PRDM5: variants seen among roughly 807,000 people sequenced by gnomAD.
PRDM5 encodes PR domain zinc finger protein 5.
Under a neutral mutation model 81.2 loss-of-function variants are expected in PRDM5, and 56 were observed. The ratio of observed to expected loss-of-function variants is 0.69; its 90% CI spans 0.56 to 0.86. The LOEUF is 0.86. Ranked by LOEUF, PRDM5 falls within the 40% of genes least tolerant of loss-of-function variation. The probability of loss-of-function intolerance (pLI) is 0.00; values close to 1 mark genes in which losing one functional copy is unlikely to be tolerated. For missense variants in PRDM5, 697 were observed against 770.1 expected, an observed-to-expected ratio of 0.91 and a Z score of 1.12; for synonymous variants, 267 against 256.4, an observed-to-expected ratio of 1.04 and a Z score of -0.39.
chr4:120,790,012 G>A (rs1750339606), intron 10 of PRDM5, among the ~76,000 whole-genome samples: 2 of 152,124 alleles, frequency 1.3e-5, no homozygotes, highest in South Asian at 4.1e-4. Context: ...AAGTTGCTAA[G>A]AGAAGAAATA....
intron 2 of PRDM5, among the ~76,000 whole-genome samples, chr4:120,861,725 GA>G (rs1363655376): frequency 6.6e-6 from 1 of 151,832 alleles, no homozygotes. Flanking sequence ...TTGAACCAGG[GA>G]GGTGAAAGCT....
chr4:120,826,341 ATCC>A (rs1755976323), intron 3 of PRDM5, among the ~76,000 whole-genome samples: 2 of 152,236 alleles, frequency 1.3e-5, no homozygotes, highest in African/African-American at 4.8e-5. Context: ...GCTCACTTTC[ATCC>A]TCCTTCAAGA....
intron 13 of PRDM5, among the ~76,000 whole-genome samples, chr4:120,774,197 G>C (rs1467724119): frequency 2.0e-5 from 3 of 152,190 alleles, no homozygotes; most frequent in East Asian, 1.9e-4. Context: ...CCACAGAGGA[G>C]CTGTCCTCTT....
intron 2 of PRDM5, among the ~76,000 whole-genome samples, chr4:120,903,968 T>C (rs896778009): frequency 2.0e-5 from 3 of 151,748 alleles, no homozygotes; most frequent in Non-Finnish European, 4.4e-5. Context: ...GGCCAGCAGA[T>C]CACTTCAGGT....
intron 15 of PRDM5, among the ~76,000 whole-genome samples, chr4:120,696,424 T>C (rs1466114131): frequency 6.6e-6 from 1 of 152,160 alleles, no homozygotes; most frequent in Non-Finnish European, 1.5e-5. Flanking sequence ...CTCAGCTCCA[T>C]GAGAGCAGGG....
chr4:120,918,761 T>G (rs1056866898), intron 1 of PRDM5, among the ~76,000 whole-genome samples: 2 of 151,278 alleles, frequency 1.3e-5, no homozygotes, highest in African/African-American at 4.9e-5. Context: ...GTGGAAGGCA[T>G]AGGAATCTGA....
intron 14 of PRDM5, among the ~76,000 whole-genome samples, chr4:120,714,670 C>T (rs952849894): frequency 2.0e-5 from 3 of 152,058 alleles, no homozygotes; most frequent in Admixed American, 6.6e-5. Context: ...GTCTCCTGCT[C>T]GTGGCTTTTG....
intron 3 of PRDM5, among the ~76,000 whole-genome samples, chr4:120,847,616 T>C (rs769090332): frequency 3.3e-5 from 5 of 152,188 alleles, no homozygotes; most frequent in Non-Finnish European, 5.9e-5. Context: ...CCCTTACAAA[T>C]TGTATAAAAT....
intron 2 of PRDM5, among the ~76,000 whole-genome samples, chr4:120,875,557 G>A (rs1040897637): frequency 1.3e-5 from 2 of 152,248 alleles, no homozygotes; most frequent in Non-Finnish European, 2.9e-5. Flanking sequence ...GGTCAAGTCA[G>A]AATGGGAATC....
chr4:120,796,622 C>T (rs1033167769), intron 10 of PRDM5, among the ~76,000 whole-genome samples: 1 of 152,108 alleles, frequency 6.6e-6, no homozygotes, highest in Non-Finnish European at 1.5e-5. Context: ...CGCAGTCCTG[C>T]CCCGAATGTA....
intron 3 of PRDM5, among the ~76,000 whole-genome samples, chr4:120,827,509 A>G (rs543898538): frequency 6.6e-6 from 1 of 152,144 alleles, no homozygotes; most frequent in South Asian, 2.1e-4. Context: ...AAAGTTTAGA[A>G]GAGTAGTCAT....
At chr4:120,867,443 T>C (rs1009142926) in intron 2 of PRDM5, among the ~76,000 whole-genome samples, 15 of 152,210 alleles carry the variant, frequency 9.9e-5, no homozygotes. Flanking sequence ...AATTATATAT[T>C]TTTTTCATTT....
At chr4:120,867,311 A>G (rs992064375) in intron 2 of PRDM5, among the ~76,000 whole-genome samples, 5 of 152,242 alleles carry the variant, frequency 3.3e-5, no homozygotes, top group Admixed American at 3.3e-4. Flanking sequence ...CATAAATTTT[A>G]ATACTAACTC....
chr4:120,716,447 T>C (rs1437875688), intron 14 of PRDM5, among the ~76,000 whole-genome samples: 1 of 152,188 alleles, frequency 6.6e-6, no homozygotes, highest in African/African-American at 2.4e-5. Flanking sequence ...AGGGAGTCTT[T>C]GGGGTTTTGC....
At chr4:120,902,940 C>A (rs1043040180) in intron 2 of PRDM5, among the ~76,000 whole-genome samples, 2 of 152,174 alleles carry the variant, frequency 1.3e-5, no homozygotes, top group Non-Finnish European at 2.9e-5. Flanking sequence ...CTCACACCTA[C>A]CAGGAGGCTC....
At chr4:120,816,427 G>A (rs1051492849) in intron 7 of PRDM5, 26 bp downstream of exon 7, 3 of 1,614,146 alleles carry the variant, frequency 1.9e-6, no homozygotes, top group Non-Finnish European at 2.5e-6. Context: ...AGCCCCTTCG[G>A]AAACGACCCT....
intron 2 of PRDM5, among the ~76,000 whole-genome samples, chr4:120,883,077 T>C (rs1018842897): frequency 2.6e-5 from 4 of 152,250 alleles, no homozygotes; most frequent in African/African-American, 4.8e-5. Flanking sequence ...AGTGGCCATT[T>C]GTATGCTTAA....
intron 2 of PRDM5, among the ~76,000 whole-genome samples, chr4:120,868,744 T>C (rs909236724): frequency 1.3e-5 from 2 of 152,144 alleles, no homozygotes; most frequent in East Asian, 3.9e-4. Context: ...TATTAGATGA[T>C]TAAATGTCCT....
intron 2 of PRDM5, among the ~76,000 whole-genome samples, chr4:120,874,689 T>C (rs561110514): frequency 6.6e-6 from 1 of 152,352 alleles, no homozygotes; most frequent in East Asian, 1.9e-4. Context: ...ATTAGCTTTA[T>C]TATTTAACAC....
Sources: allele counts gnomAD v4.1 joint callset (sites outside exome capture counted in the v4.1 genomes callset), GRCh38; gene constraint gnomAD v4.1.1; transcripts MANE v1.5; gene names NCBI Gene and HGNC (gene_info 2026-07-23, HGNC 2026-07-21).